Variants in PARP3 observed in about 807,000 individuals in gnomAD.
PARP3 encodes poly(ADP-ribose) polymerase family member 3, also known as protein mono-ADP-ribosyltransferase PARP3.
Under a neutral mutation model 58.2 loss-of-function variants are expected in PARP3, and 46 were observed. That is an observed-to-expected ratio of 0.79 (90% CI 0.62 to 1.01). PARP3 has a LOEUF of 1.01. Among genes scored for constraint, PARP3 ranks in the 50% least tolerant of loss-of-function variants. The probability of loss-of-function intolerance (pLI) is 0.00; values close to 1 mark genes in which losing one functional copy is unlikely to be tolerated. For synonymous variants in PARP3, 252 were observed against 266.4 expected (o/e 0.95, Z 0.53); for missense variants, 663 against 683.9 (o/e 0.97, Z 0.34).
intron 8 of PARP3, 22 bp downstream of exon 8, chr3:51,945,961 C>A: frequency 6.3e-7 from 1 of 1,587,184 alleles, no homozygotes; most frequent in Non-Finnish European, 8.7e-7. Flanking sequence ...TCCCCCACCT[C>A]TCCCCCATCA....
chr3:51,944,095 G>T lies in PARP3; in HGVS notation c.190G>T (p.Glu64Ter), dbSNP rs1345270594. 6.2e-6 allele frequency: 10 copies of T among 1,612,030 alleles called. No homozygotes were observed. Among genetic ancestry groups the T allele is most frequent in the Non-Finnish European group, 8.5e-6 (10 of 1,179,208 alleles). Residue 64 changes from glutamate (E) to a stop codon, truncating the protein, a stop_gained, in exon 3 of 11, where the codon GAG becomes TAG. Transcript: ENST00000398755. LOFTEE classifies it high-confidence loss of function. This position sits in a 1 kb window ranked among gnomAD's most constrained non-coding sequence, Gnocchi z 4.2. ...LSSNPGTQVY[E>*]DYNCTLNQTN... ...CACCTCCCCTCTGGCCCAGGTGTAT[G>T]AGGACTACAACTGCACCCTGAACCA... is the stretch of plus-strand genomic sequence containing the variant.
rs1577657178 is a variant in PARP3 at position 51,944,310 on chromosome 3, C to T, written c.313-80C>T. 5.0e-6 allele frequency: 8 copies of T among 1,604,436 alleles called. No homozygotes were observed. The highest frequency in any genetic ancestry group is 6.0e-6 in the Non-Finnish European group (7 of 1,173,762). ...GGGGCACCTCCCAACTGTCCCAGGG[C>T]ACTCAGCACAGGGCCTGGCCCGACA... On this transcript the variant is annotated intron_variant, in intron 3 of 10. Coordinates refer to ENST00000398755, the MANE Select transcript of PARP3 (RefSeq NM_001003931.4). This position sits in a 1 kb window ranked among gnomAD's most constrained non-coding sequence, Gnocchi z 4.2.
In PARP3 at chr3:51,942,491, C is replaced by T; in HGVS notation, c.-220C>T. The T allele has an allele frequency of 1.5e-6, 1 of 658,162 alleles. No individual in the cohort carries two copies. Among genetic ancestry groups the T allele is most frequent in the Admixed American group, 2.2e-5 (1 of 45,940 alleles). The allele number at this position is 658,162 out of a possible 1,614,324, so 40.8% of individuals were successfully genotyped here. On this transcript the variant is annotated 5_prime_UTR_variant, in exon 1 of 11. Coordinates refer to ENST00000398755, the MANE Select transcript of PARP3 (RefSeq NM_001003931.4). ...CCGTGGGACTGGTCGCCTGACTCGG[C>T]CTGCCCCAGCCTCTGCTTCACCCCA...
rs1033613381 is a variant in PARP3, at chr3:51,944,032, G to A, written c.184-57G>A. The A allele has an allele frequency of 9.6e-6, 15 of 1,568,132 alleles. No individual in the cohort carries two copies. Among genetic ancestry groups the A allele is most frequent in the East Asian group, 2.2e-5 (1 of 44,704 alleles). ...CCCCATCAGAGCCCTCTCGGTGTAC[G>A]GCCAGGCACCCCATCTGACCCCAGC... On this transcript the variant is annotated intron_variant, in intron 2 of 10. Transcript: ENST00000398755. This position sits in a 1 kb window ranked among gnomAD's most constrained non-coding sequence, Gnocchi z 4.2.
chr3:51,947,996 C>T, intron 10 of PARP3, 101 bp downstream of exon 10: 1 of 1,205,532 alleles, frequency 8.3e-7, no homozygotes, highest in Non-Finnish European at 1.2e-6. Flanking sequence ...CAAAAAGAAG[C>T]TTCCCTGTCG....
At position 51,946,126 on chromosome 3, in the gene PARP3, G is replaced by T. The variant is rs372606808; in HGVS notation, c.1099-40G>T. On this transcript the variant is annotated intron_variant, in intron 8 of 10. Coordinates refer to ENST00000398755, the MANE Select transcript of PARP3 (RefSeq NM_001003931.4). The surrounding 1 kb of genome is among the most constrained non-coding windows in gnomAD (Gnocchi z 4.6). ...AGCAGGGCAAGGCGACTGAGTGCTC[G>T]GGTGGCATCACTCCCATTTCTCACT... 1.3e-6 allele frequency: 2 copies of T among 1,544,796 alleles called. No individual in the cohort carries two copies. Among genetic ancestry groups the T allele is most frequent in the African/African-American group, 2.7e-5 (2 of 73,710 alleles).
At position 51,948,699 on chromosome 3, in the gene PARP3, G is replaced by T; in HGVS notation, c.*219G>T. On this transcript the variant is annotated 3_prime_UTR_variant, in exon 11 of 11. Transcript: ENST00000398755. ...CCCAGTCCCTCTCCTCCCAGCCCAT[G>T]GTAACCAGCATTTGACTCTTTACTT... The T allele has an allele frequency of 1.9e-6, 1 of 527,160 alleles. No homozygotes were observed. Among genetic ancestry groups the T allele is most frequent in the Non-Finnish European group, 3.3e-6 (1 of 299,466 alleles). The allele number at this position is 527,160 out of a possible 1,614,324, so 32.7% of individuals were successfully genotyped here. A position where few individuals can be genotyped will look rare whatever the true frequency, so the allele number is the denominator to read the frequency against.
At chr3:51,947,276 G>A (rs1012207974) in intron 9 of PARP3, among the ~76,000 whole-genome samples, 9 of 152,240 alleles carry the variant, frequency 5.9e-5, no homozygotes, top group African/African-American at 1.9e-4. Flanking sequence ...AAGAGAGCAA[G>A]GACCAAGGAT....
intron 9 of PARP3, among the ~76,000 whole-genome samples, chr3:51,947,225 C>G (rs1198871438): frequency 6.6e-6 from 1 of 152,178 alleles, no homozygotes; most frequent in Non-Finnish European, 1.5e-5. Flanking sequence ...GCTCCTCCAC[C>G]CAGGCTGTCC....
intron 1 of PARP3, 111 bp from the exon 2 acceptor site, chr3:51,943,243 G>T (rs1559746332): frequency 8.4e-7 from 1 of 1,191,374 alleles, no homozygotes; most frequent in Non-Finnish European, 1.2e-6. Context: ...CCAACCCGGG[G>T]TGGGGCAAGT....
chr3:51,944,708 G>T lies in PARP3; in HGVS notation c.502-70G>T. The T allele has an allele frequency of 6.4e-7, 1 of 1,573,326 alleles. No individual in the cohort carries two copies. On this transcript the variant is annotated intron_variant, in intron 4 of 10. Transcript: ENST00000398755. This position sits in a 1 kb window ranked among gnomAD's most constrained non-coding sequence, Gnocchi z 4.2. The stretch of plus-strand genomic sequence containing the variant: ...CCACAGAACTCCCCTCTGGCCTCAG[G>T]CTGGCTGGTCTCTGTCTGGTGTCAC...
chr3:51,942,468 G>C lies in PARP3; in HGVS notation c.-243G>C, dbSNP rs1289219277. On this transcript the variant is annotated 5_prime_UTR_variant, in exon 1 of 11. Coordinates refer to ENST00000398755, the MANE Select transcript of PARP3 (RefSeq NM_001003931.4). Reference sequence around the variant, plus strand: ...TGCCAGATCGAGTGTCCACCCGTCCGTGGGACTGGTCGCCTGACTCGGCCT... The same window carrying C: ...TGCCAGATCGAGTGTCCACCCGTCCCTGGGACTGGTCGCCTGACTCGGCCT... 6.3e-6 allele frequency: 4 copies of C among 637,142 alleles called. No homozygotes were observed. The South Asian group carries it at 7.0e-5, about 11-fold the overall frequency. The allele number at this position is 637,142 out of a possible 1,614,324, so 39.5% of individuals were successfully genotyped here.
chr3:51,944,629 G>A lies in PARP3; in HGVS notation c.501+51G>A, dbSNP rs569009197. ...GGCCCTGGACTGAGGGAGGGGACTC[G>A]TTGGAGAGTTCCCGCTGGTTGGGCT... On this transcript the variant is annotated intron_variant, in intron 4 of 10. Transcript: ENST00000398755. This position sits in a 1 kb window ranked among gnomAD's most constrained non-coding sequence, Gnocchi z 4.2. 69 of 1,592,016 alleles carry A rather than the reference G, an allele frequency of 4.3e-5. No individual in the cohort carries two copies. The African/African-American group carries it at 5.0e-4, about 11-fold the overall frequency.
At chr3:51,943,880 A>AC (rs980585893) in intron 2 of PARP3, among the ~76,000 whole-genome samples, 5 of 87,770 alleles carry the variant, frequency 5.7e-5, no homozygotes, top group South Asian at 4.1e-4. Flanking sequence ...CCCCCCCAGC[A>AC]CCCCCCATAC....
chr3:51,943,959 G>A (rs577581911), intron 2 of PARP3, 130 bp from the exon 3 acceptor site: 2 of 797,634 alleles, frequency 2.5e-6, no homozygotes, highest in Admixed American at 4.8e-5. Context: ...ACCCCCCCAA[G>A]CTTCCAAGAC....
At chr3:51,947,136 G>A (rs1699697970) in intron 9 of PARP3, among the ~76,000 whole-genome samples, 1 of 152,180 alleles carries the variant, frequency 6.6e-6, no homozygotes, top group South Asian at 2.1e-4. Flanking sequence ...GGAGCGTGTG[G>A]GAAAGGGTCA....
In PARP3 at chr3:51,946,557, C is replaced by T. The variant is rs1015505899; in HGVS notation, c.1276+214C>T. Among the ~76,000 whole-genome samples, 2 of 152,014 alleles carry T rather than the reference C, an allele frequency of 1.3e-5. No individual in the cohort carries two copies. The highest frequency in any genetic ancestry group is 4.8e-5 in the African/African-American group (2 of 41,376). ...GGATGGCTTCCTGGGGGAGGCAATA[C>T]AGATAGGATGGGTGCACCAACCAGA... On this transcript the variant is annotated intron_variant, in intron 9 of 10. Transcript: ENST00000398755. This position sits in a 1 kb window ranked among gnomAD's most constrained non-coding sequence, Gnocchi z 4.6.
chr3:51,943,134 G>A, intron 1 of PARP3: 1 of 1,017,982 alleles, frequency 9.8e-7, no homozygotes. Context: ...CTTGGGACTG[G>A]GGAAAGGGGT....
intron 1 of PARP3, chr3:51,942,960 G>T: frequency 7.1e-7 from 1 of 1,410,792 alleles, no homozygotes; most frequent in Non-Finnish European, 9.2e-7. Context: ...ACCATGCCAG[G>T]GCTGAACTAG....
Sources: allele counts gnomAD v4.1 joint callset (sites outside exome capture counted in the v4.1 genomes callset), GRCh38; gene constraint gnomAD v4.1.1; non-coding constraint Gnocchi (gnomAD v3.1); transcripts MANE v1.5; gene names NCBI Gene and HGNC (gene_info 2026-07-23, HGNC 2026-07-21).